The following COL15A1 variants were observed in gnomAD, a reference collection of about 807,000 sequenced individuals.
The protein encoded by COL15A1 is collagen alpha-1(XV) chain.
A neutral mutation model predicts 165.9 loss-of-function variants in COL15A1; 111 were observed. The observed-to-expected ratio is 0.67, with a 90% CI of 0.57 to 0.78. The LOEUF is 0.78. Among genes scored for constraint, COL15A1 ranks in the 30% least tolerant of loss-of-function variants. COL15A1 has a pLI of 0.00. For synonymous variants in COL15A1, 659 were observed against 674.8 expected (o/e 0.98, Z 0.36); for missense variants, 1,745 against 1,789.7 (o/e 0.98, Z 0.45).
At chr9:98,992,400 T>C (rs1838457494) in intron 5 of COL15A1, among the ~76,000 whole-genome samples, 1 of 152,016 alleles carries the variant, frequency 6.6e-6, no homozygotes, top group Non-Finnish European at 1.5e-5. Flanking sequence ...CCGCTTAGAG[T>C]GCGGGGCCCG....
At chr9:99,051,681 G>A (rs1839590238) in intron 30 of COL15A1, among the ~76,000 whole-genome samples, 1 of 152,188 alleles carries the variant, frequency 6.6e-6, no homozygotes, top group Non-Finnish European at 1.5e-5. Context: ...TGAGCAGCTT[G>A]TGACCCTCCA....
chr9:99,064,986 T>C (rs996204306), intron 39 of COL15A1, among the ~76,000 whole-genome samples: 1 of 152,222 alleles, frequency 6.6e-6, no homozygotes, highest in African/African-American at 2.4e-5. Context: ...TACAATTTTA[T>C]CAAAACTACA....
intron 12 of COL15A1, among the ~76,000 whole-genome samples, chr9:99,020,772 C>T (rs536676459): frequency 2.6e-5 from 4 of 152,328 alleles, no homozygotes; most frequent in South Asian, 4.1e-4. Flanking sequence ...CTTCTGTGTC[C>T]GGGCTCTGGG....
At chr9:98,999,994 C>T (rs1025389258) in intron 6 of COL15A1, among the ~76,000 whole-genome samples, 1 of 152,040 alleles carries the variant, frequency 6.6e-6, no homozygotes, top group African/African-American at 2.4e-5. Flanking sequence ...CCTTGGCCTC[C>T]CAAGTAGCTG....
chr9:99,012,588 A>G (rs1838862975), intron 9 of COL15A1, among the ~76,000 whole-genome samples: 1 of 151,830 alleles, frequency 6.6e-6, no homozygotes, highest in Admixed American at 6.6e-5. Flanking sequence ...AAAATACCAT[A>G]TATGTTCATT....
intron 40 of COL15A1, among the ~76,000 whole-genome samples, chr9:99,068,291 C>T (rs751701559): frequency 9.9e-5 from 15 of 151,884 alleles, no homozygotes; most frequent in Non-Finnish European, 1.9e-4. Flanking sequence ...CATGAAGAAA[C>T]CCTGCCTCTA....
chr9:98,970,187 AAAAC>A (rs1230044351), intron 2 of COL15A1, among the ~76,000 whole-genome samples: 1 of 152,162 alleles, frequency 6.6e-6, no homozygotes. Context: ...ACTCATGCAC[AAAAC>A]AAACATTTAT....
intron 30 of COL15A1, among the ~76,000 whole-genome samples, chr9:99,051,840 C>T (rs1024589978): frequency 6.6e-6 from 1 of 152,216 alleles, no homozygotes; most frequent in Non-Finnish European, 1.5e-5. Flanking sequence ...TTATCCAGAA[C>T]AGCCTGGACT....
intron 2 of COL15A1, among the ~76,000 whole-genome samples, 190 bp from the exon 3 acceptor site, chr9:98,985,375 T>C (rs749087295): frequency 3.3e-5 from 5 of 152,234 alleles, no homozygotes; most frequent in Admixed American, 6.5e-5. Flanking sequence ...CGTGTGTATA[T>C]TGGGTTGCAG....
At chr9:99,042,352 G>A (rs1030652249) in intron 24 of COL15A1, among the ~76,000 whole-genome samples, 4 of 152,112 alleles carry the variant, frequency 2.6e-5, no homozygotes, top group African/African-American at 9.7e-5. Context: ...ATACTTATTA[G>A]CGGTCACTCT....
At chr9:98,950,474 C>T (rs1269525694) in intron 2 of COL15A1, among the ~76,000 whole-genome samples, 1 of 129,336 alleles carries the variant, frequency 7.7e-6, no homozygotes, top group Non-Finnish European at 1.6e-5. Flanking sequence ...TTCCCTCCCT[C>T]CCTTCCCTCC....
chr9:99,061,678 A>T (rs889024627), intron 36 of COL15A1, among the ~76,000 whole-genome samples: 1 of 152,036 alleles, frequency 6.6e-6, no homozygotes, highest in African/African-American at 2.4e-5. Context: ...AACAAAGATA[A>T]CTCCATTGAC....
intron 2 of COL15A1, among the ~76,000 whole-genome samples, chr9:98,946,689 C>T (rs1228841656): frequency 6.6e-6 from 1 of 152,202 alleles, no homozygotes; most frequent in Non-Finnish European, 1.5e-5. Flanking sequence ...AAACAATTGC[C>T]AAGACTTCAT....
At chr9:99,039,417 G>A (rs949732940) in intron 22 of COL15A1, among the ~76,000 whole-genome samples, 11 of 152,204 alleles carry the variant, frequency 7.2e-5, no homozygotes, top group African/African-American at 2.7e-4. Flanking sequence ...GCTGAGGCAC[G>A]AGAATCACTT....
intron 2 of COL15A1, among the ~76,000 whole-genome samples, chr9:98,959,418 C>T (rs1837831879): frequency 6.6e-6 from 1 of 151,752 alleles, no homozygotes; most frequent in Non-Finnish European, 1.5e-5. Context: ...AAAAATTTCT[C>T]AGCCATTCCA....
chr9:98,981,506 G>A (rs554561697), intron 2 of COL15A1, among the ~76,000 whole-genome samples: 1 of 152,126 alleles, frequency 6.6e-6, no homozygotes, highest in South Asian at 2.1e-4. Context: ...GTATCAACAG[G>A]GATAAATCTA....
intron 23 of COL15A1, among the ~76,000 whole-genome samples, 158 bp from the exon 24 acceptor site, chr9:99,041,887 A>G (rs1839411620): frequency 6.6e-6 from 1 of 152,244 alleles, no homozygotes; most frequent in Non-Finnish European, 1.5e-5. Flanking sequence ...CAGTTTCTGG[A>G]CCACTTAAGG....
intron 16 of COL15A1, among the ~76,000 whole-genome samples, chr9:99,032,848 T>A (rs758377270): frequency 1.3e-5 from 2 of 152,260 alleles, no homozygotes; most frequent in Non-Finnish European, 2.9e-5. Context: ...GACAGTTTTC[T>A]ATTTATAATT....
At chr9:99,038,814 T>A in intron 22 of COL15A1, 81 bp downstream of exon 22, 1 of 816,264 alleles carries the variant, frequency 1.2e-6, no homozygotes, top group Non-Finnish European at 2.2e-6. Flanking sequence ...TTTGGAATCC[T>A]TTTAGCTCCT....
Sources: gnomAD v4.1 joint callset for allele counts (sites outside exome capture counted in the v4.1 genomes callset) on GRCh38, gnomAD v4.1.1 for gene constraint, MANE v1.5 for transcripts, NCBI Gene and HGNC (gene_info 2026-07-23, HGNC 2026-07-21) for gene names.